Variants in EYS observed in about 807,000 individuals in gnomAD.
EYS encodes EGF-like photoreceptor maintenance factor, also known as protein eyes shut homolog.
Under a neutral mutation model 282.1 loss-of-function variants are expected in EYS, and 250 were observed. The ratio of observed to expected loss-of-function variants is 0.89; its 90% confidence interval spans 0.80 to 0.98. The LOEUF (loss-of-function observed/expected upper bound fraction) is 0.98, where lower values mean the gene tolerates loss of function less well. Ranked by LOEUF, EYS falls within the 50% of genes least tolerant of loss-of-function variation. EYS has a pLI of 0.00. For synonymous variants in EYS, 1,355 were observed against 1,282.9 expected (o/e 1.06, Z -1.20); for missense variants, 4,016 against 3,709.0 (o/e 1.08, Z -2.15).
chr6:64,906,184 T>A (rs1446254722), intron 16 of EYS, among the ~76,000 whole-genome samples: 1 of 151,466 alleles, frequency 6.6e-6, no homozygotes, highest in Non-Finnish European at 1.5e-5. Context: ...ATTCTTTAAA[T>A]TTAACTTTAA....
intron 12 of EYS, among the ~76,000 whole-genome samples, chr6:65,101,736 T>A (rs72879820): frequency 6.6e-6 from 1 of 151,356 alleles, no homozygotes; most frequent in Non-Finnish European, 1.5e-5. Flanking sequence ...TTGGTATAAG[T>A]ATCAGATTGG....
At chr6:65,229,271 CAAAAAA>C (rs1766707426) in intron 12 of EYS, among the ~76,000 whole-genome samples, 1 of 150,966 alleles carries the variant, frequency 6.6e-6, no homozygotes, top group African/African-American at 2.4e-5. Flanking sequence ...GCTAGATAAA[CAAAAAA>C]GAAAAAGAAA....
chr6:64,120,779 T>C (rs1175514985), intron 31 of EYS, among the ~76,000 whole-genome samples: 2 of 152,198 alleles, frequency 1.3e-5, no homozygotes, highest in Non-Finnish European at 2.9e-5. Flanking sequence ...TAGTTTTCTG[T>C]TGCTGCATAA....
At chr6:65,694,928 T>G (rs920652410) in intron 1 of EYS, among the ~76,000 whole-genome samples, 1 of 151,980 alleles carries the variant, frequency 6.6e-6, no homozygotes, top group Non-Finnish European at 1.5e-5. Context: ...TTTGATATAA[T>G]GACTAAGAGA....
chr6:65,264,699 T>C (rs1374081615), intron 12 of EYS, among the ~76,000 whole-genome samples: 1 of 151,996 alleles, frequency 6.6e-6, no homozygotes, highest in Non-Finnish European at 1.5e-5. Context: ...GTCTCACATA[T>C]AATGAATCTC....
intron 31 of EYS, among the ~76,000 whole-genome samples, chr6:64,095,663 G>C (rs1362288789): frequency 6.6e-6 from 1 of 151,502 alleles, no homozygotes; most frequent in Admixed American, 6.6e-5. Context: ...CACATGAGAT[G>C]GGTCTCCTGA....
chr6:64,591,401 G>C lies in EYS; in HGVS notation c.4466C>G (p.Pro1489Arg). Reference sequence around the variant, plus strand: ...AGCAGGAAAAATGGGAGACATCGAGGGGCTGAGCAATCTCCAGTGCTCTCT... The same window carrying C: ...AGCAGGAAAAATGGGAGACATCGAGCGGCTGAGCAATCTCCAGTGCTCTCT... ...SRREHWRLLS[P>R]SMSPIFPAKV... The change falls in exon 26 of 43, where the codon CCC becomes CGC. Residue 1489 changes from proline (P) to arginine (R), a missense_variant. By Grantham distance (103) the Pro-to-Arg change is moderately radical. Transcript: ENST00000503581. 3 of 1,551,240 alleles carry C rather than the reference G, an allele frequency of 1.9e-6. No homozygotes were observed. The South Asian group carries it at 3.6e-5, about 18-fold the overall frequency.
intron 31 of EYS, among the ~76,000 whole-genome samples, chr6:64,165,076 T>G (rs577453544): frequency 3.6e-4 from 55 of 152,222 alleles, no homozygotes; most frequent in South Asian, 1.2e-3. Context: ...TAGTGAGTTA[T>G]TTTTAGTCAA....
chr6:64,516,405 T>G (rs753061985), intron 26 of EYS, among the ~76,000 whole-genome samples: 6 of 151,670 alleles, frequency 4.0e-5, no homozygotes, highest in Non-Finnish European at 8.9e-5. Context: ...ATGACACAAG[T>G]TTACCCGTGT....
intron 12 of EYS, among the ~76,000 whole-genome samples, chr6:65,175,676 G>A (rs527995771): frequency 6.6e-6 from 1 of 151,402 alleles, no homozygotes; most frequent in East Asian, 2.0e-4. Context: ...TATATATGAA[G>A]GTGAAGATTT....
intron 12 of EYS, among the ~76,000 whole-genome samples, chr6:65,234,544 A>C (rs1294922713): frequency 6.6e-6 from 1 of 152,216 alleles, no homozygotes; most frequent in East Asian, 1.9e-4. Flanking sequence ...GCATTAAAAC[A>C]CATTTCCAAT....
intron 22 of EYS, among the ~76,000 whole-genome samples, chr6:64,783,298 TATATAC>T (rs1562189472): frequency 1.3e-5 from 2 of 151,630 alleles, no homozygotes; most frequent in Admixed American, 1.3e-4. Context: ...ATACATATCC[TATATAC>T]ATATACATAT....
rs1191573794 is a variant in EYS, at chr6:63,806,251, C to T, written c.7350G>A (p.Leu2450=). Residue 2450 remains leucine (L), a synonymous_variant, in exon 37 of 43, where the codon CTG becomes CTA. Coordinates refer to ENST00000503581, the MANE Select transcript of EYS (RefSeq NM_001142800.2). ...TTTGCAGTGCTGAGTGGTTGTTTGC[C>T]AGCTGAAACTTCAGGTGGAATTCAT... The part of the protein sequence containing the change: ...FHYEFHLKFQ[L]ANNHSALQNN... The T allele has an allele frequency of 6.4e-7, 1 of 1,551,572 alleles. No homozygotes were observed.
intron 22 of EYS, among the ~76,000 whole-genome samples, chr6:64,651,208 A>T (rs1228938316): frequency 6.6e-6 from 1 of 152,196 alleles, no homozygotes; most frequent in African/African-American, 2.4e-5. Context: ...ATGGTTACGT[A>T]TCACTCTGTT....
intron 14 of EYS, among the ~76,000 whole-genome samples, chr6:64,948,532 G>GA (rs1769372610): frequency 1.4e-5 from 2 of 143,510 alleles, no homozygotes; most frequent in African/African-American, 5.0e-5. Flanking sequence ...TATTCCACTA[G>GA]AAAACTGAAA....
chr6:65,200,235 T>C (rs1372095102), intron 12 of EYS, among the ~76,000 whole-genome samples: 1 of 148,078 alleles, frequency 6.8e-6, no homozygotes, highest in East Asian at 1.9e-4. Flanking sequence ...CAAATGAAGA[T>C]GGAAATTCTA....
chr6:63,963,098 G>A (rs925161151), intron 35 of EYS, among the ~76,000 whole-genome samples: 4 of 148,602 alleles, frequency 2.7e-5, no homozygotes, highest in Admixed American at 1.3e-4. Context: ...ATCACACACA[G>A]GGGCCTGTTG....
chr6:65,229,660 T>C (rs1264422980), intron 12 of EYS, among the ~76,000 whole-genome samples: 1 of 151,900 alleles, frequency 6.6e-6, no homozygotes, highest in Non-Finnish European at 1.5e-5. Context: ...ATAGTGAGTT[T>C]ATACTCTTTC....
At chr6:64,165,602 T>G (rs1263681863) in intron 31 of EYS, among the ~76,000 whole-genome samples, 3 of 152,202 alleles carry the variant, frequency 2.0e-5, no homozygotes, top group Non-Finnish European at 4.4e-5. Flanking sequence ...TACTTCATAC[T>G]TTTCATGATT....
Sources: gnomAD v4.1 joint callset for allele counts (sites outside exome capture counted in the v4.1 genomes callset) on GRCh38, gnomAD v4.1.1 for gene constraint, MANE v1.5 for transcripts, NCBI Gene and HGNC (gene_info 2026-07-23, HGNC 2026-07-21) for gene names.